ANXA7: variants seen among roughly 807,000 people sequenced by gnomAD.
ANXA7 encodes the protein annexin VII.
In ANXA7, 55 loss-of-function variants were observed where a neutral mutation model predicts 64.9. The ratio of observed to expected loss-of-function variants is 0.85; its 90% CI spans 0.68 to 1.06. The LOEUF (loss-of-function observed/expected upper bound fraction) is 1.06. Among genes scored for constraint, ANXA7 ranks in the 50% least tolerant of loss-of-function variants. ANXA7 has a pLI of 0.00. For synonymous variants in ANXA7, 200 were observed against 192.4 expected, an observed-to-expected ratio of 1.04 and a Z score of -0.33; for missense variants, 548 against 582.1, an observed-to-expected ratio of 0.94 and a Z score of 0.60.
At position 73,375,204 on chromosome 10, in the gene ANXA7, G is replaced by T. The variant is rs942601160; in HGVS notation, c.*891C>A. 6.6e-6 allele frequency: 1 copy of T among 152,146 alleles called. No homozygotes were observed. The highest frequency in any genetic ancestry group is 1.5e-5 in the Non-Finnish European group (1 of 68,038). 9.4% of individuals were successfully genotyped at this position (152,146 alleles called of 1,614,324 possible). A position where few individuals can be genotyped will look rare whatever the true frequency, so the allele number is the denominator to read the frequency against. On this transcript the variant is annotated 3_prime_UTR_variant, in exon 13 of 13. Transcript: ENST00000372921. ...AAAATGGGGAGATGTTGGTCAAAGG[G>T]TATAAACTTTCAGTTATAAAACGAA...
Position 73,379,875 on chromosome 10 carries a change from T to G in ANXA7, c.1165+4A>C, listed in dbSNP as rs560006103. 1 of 1,613,572 alleles carries G rather than the reference T, an allele frequency of 6.2e-7. No homozygotes were observed. The highest frequency in any genetic ancestry group is 1.3e-5 in the African/African-American group (1 of 75,030). On this transcript the variant is annotated splice_donor_region_variant and intron_variant, in intron 11 of 12. Transcript: ENST00000372921. ...AAATAAAGCAAAGCACAAAAATATC[T>G]TACAGATGGTCTTCAAACCACTTTC...
chr10:73,376,307 A>C, intron 12 of ANXA7, 90 bp from the exon 13 acceptor site: 1 of 1,272,966 alleles, frequency 7.9e-7, no homozygotes, highest in Non-Finnish European at 1.0e-6. Context: ...TCTTAATAAT[A>C]ATCAAAACTT....
chr10:73,377,328 G>C (rs1387506070), intron 12 of ANXA7: 2 of 151,842 alleles, frequency 1.3e-5, no homozygotes, highest in Admixed American at 1.3e-4. Flanking sequence ...CCAGCACTTT[G>C]GGAGGCCGAG....
In ANXA7 at chr10:73,401,592, C is replaced by G. The variant is rs183169810; in HGVS notation, c.-1-735G>C. ...TCAGCTCATTGCAACCTCCGCCTCC[C>G]GGGTCCAAGTGATTCTCCTGCCTCA... On this transcript the variant is annotated intron_variant, in intron 1 of 12. Transcript: ENST00000372921. Among the ~76,000 whole-genome samples, 1,239 of 152,040 alleles carry G rather than the reference C, an allele frequency of 8.1e-3. 14 individuals carry two copies. Among genetic ancestry groups the G allele is most frequent in the African/African-American group, 0.027 (1,118 of 41,454 alleles).
chr10:73,407,868 T>C (rs2055783077), intron 1 of ANXA7, among the ~76,000 whole-genome samples: 2 of 152,152 alleles, frequency 1.3e-5, no homozygotes. Context: ...ATAAGAAACA[T>C]AAAATGATAT....
Position 73,375,899 on chromosome 10 carries a change from T to C in ANXA7, c.*196A>G, listed in dbSNP as rs748350455. ...TCATTGTGATATGGCTTTACATTGA[T>C]TGTATGTAGAGAACAAAATAAAATT... On this transcript the variant is annotated 3_prime_UTR_variant, in exon 13 of 13. Transcript: ENST00000372921. 1.2e-5 allele frequency: 5 copies of C among 402,496 alleles called. No homozygotes were observed. The highest frequency in any genetic ancestry group is 3.9e-5 in the East Asian group (1 of 25,718). The allele number at this position is 402,496 out of a possible 1,614,324, so 24.9% of individuals were successfully genotyped here.
At chr10:73,396,015 A>C in intron 5 of ANXA7, 4 of 1,393,098 alleles carry the variant, frequency 2.9e-6, no homozygotes, top group Non-Finnish European at 4.1e-6. Flanking sequence ...GGACCTAGTG[A>C]TTAGTAAACA....
At chr10:73,404,234 GATA>G (rs761535062) in intron 1 of ANXA7, among the ~76,000 whole-genome samples, 89 of 152,284 alleles carry the variant, frequency 5.8e-4, no homozygotes, top group Non-Finnish European at 1.0e-3. Context: ...TCTATTCTGT[GATA>G]ATAATGGTGA....
At position 73,398,382 on chromosome 10, in the gene ANXA7, C is replaced by T. The variant is rs367885179; in HGVS notation, c.58G>A (p.Ala20Thr). The T allele has an allele frequency of 1.2e-6, 2 of 1,607,262 alleles. No individual in the cohort carries two copies. Among genetic ancestry groups the T allele is most frequent in the Admixed American group, 1.7e-5 (1 of 59,504 alleles). ...GYPPFPGYPP[A>T]GQESSFPPSG... ...GGGGGAAAAGATGACTCCTGACCTG[C>T]AGGCTGAAAAATCAGAATAATTTTT... is the stretch of plus-strand genomic sequence containing the variant. Residue 20 changes from alanine to threonine, a missense_variant, in exon 3 of 13, where the codon GCA (alanine) becomes ACA (threonine). Ala to Thr is a moderately conservative substitution (Grantham distance 58). Coordinates refer to ENST00000372921, the MANE Select transcript of ANXA7 (RefSeq NM_001156.5).
intron 12 of ANXA7, 129 bp from the exon 13 acceptor site, chr10:73,376,346 T>A: frequency 2.3e-6 from 2 of 872,228 alleles, no homozygotes; most frequent in Non-Finnish European, 3.3e-6. Context: ...TGACTGACAT[T>A]TTATGGCTGG....
rs367910001 is a variant in ANXA7 at position 73,383,665 on chromosome 10, T to C, written c.659A>G (p.Glu220Gly). The change falls in exon 8 of 13, where the codon GAG (glutamate) becomes GGG (glycine). Residue 220 changes from glutamate (E) to glycine (G), a missense_variant. Physicochemically the swap from Glu to Gly is moderately conservative, Grantham distance 98. Transcript: ENST00000372921. ...CAGTTCTTCCATATTTCCACTTAAC[T>C]CTGATTTGAGATCTTTGATTAAATC... ...GKDLIKDLKSELSGNMEELIL... is the reference protein window; with the variant it reads ...GKDLIKDLKSGLSGNMEELIL... 7 of 1,612,180 alleles carry C rather than the reference T, an allele frequency of 4.3e-6. No homozygotes were observed. The African/African-American group carries it at 6.7e-5, about 15-fold the overall frequency.
chr10:73,391,605 A>G (rs1347148870), intron 5 of ANXA7, among the ~76,000 whole-genome samples: 1 of 152,168 alleles, frequency 6.6e-6, no homozygotes, highest in Non-Finnish European at 1.5e-5. Flanking sequence ...CAGCAGAGTG[A>G]GGCCCTGACT....
rs1402829649 is a variant in ANXA7 at position 73,390,724 on chromosome 10, AT to A, written c.436-2311del. On this transcript the variant is annotated intron_variant, in intron 5 of 12. Coordinates refer to ENST00000372921, the MANE Select transcript of ANXA7 (RefSeq NM_001156.5). Reference sequence around the variant, plus strand: ...TATATATATATATATATATATAAAAATATATATATACACACACACACATATA... The same window carrying A: ...TATATATATATATATATATATAAAAAATATATATACACACACACACATATA... Among the ~76,000 whole-genome samples, 73 of 107,996 alleles carry A rather than the reference AT, an allele frequency of 6.8e-4. 2 individuals carry two copies. Among genetic ancestry groups the A allele is most frequent in the African/African-American group, 3.6e-3 (70 of 19,210 alleles). 70.8% of individuals were successfully genotyped at this position (107,996 alleles called of 152,430 possible).
In ANXA7 at chr10:73,379,034, G is replaced by C; in HGVS notation, c.1166-11C>G. 1 of 1,569,638 alleles carries C rather than the reference G, an allele frequency of 6.4e-7. No individual in the cohort carries two copies. The highest frequency in any genetic ancestry group is 8.7e-7 in the Non-Finnish European group (1 of 1,146,910). On this transcript the variant is annotated splice_polypyrimidine_tract_variant and intron_variant, in intron 11 of 12. Transcript: ENST00000372921. ...TCAGGGCACACTGCACTGCAAGTTA[G>C]AGATGGTTGAGACATGGAATCATGA... is the stretch of plus-strand genomic sequence containing the variant.
chr10:73,413,890 G>C (rs1316756284), intron 1 of ANXA7, 122 bp downstream of exon 1: 2 of 153,194 alleles, frequency 1.3e-5, no homozygotes, highest in South Asian at 4.1e-4. Flanking sequence ...CGCCATCCGG[G>C]AGGCCCACAC....
At chr10:73,387,476 T>C (rs1049653715) in intron 7 of ANXA7, among the ~76,000 whole-genome samples, 2 of 152,186 alleles carry the variant, frequency 1.3e-5, no homozygotes, top group East Asian at 1.9e-4. Flanking sequence ...GATCGCACCA[T>C]TGCACTCCAG....
At chr10:73,382,838 C>T (rs1317086951) in intron 9 of ANXA7, among the ~76,000 whole-genome samples, 1 of 152,180 alleles carries the variant, frequency 6.6e-6, no homozygotes, top group Non-Finnish European at 1.5e-5. Context: ...GGCAGTCCTG[C>T]ACATCTTCAC....
At chr10:73,389,030 C>T (rs1233984042) in intron 5 of ANXA7, among the ~76,000 whole-genome samples, 2 of 152,082 alleles carry the variant, frequency 1.3e-5, no homozygotes, top group Admixed American at 1.3e-4. Flanking sequence ...ATTTGTATAA[C>T]CTATAACATT....
rs2055226852 is a variant in ANXA7, at chr10:73,378,801, A to G, written c.1278+110T>C. On this transcript the variant is annotated intron_variant, in intron 12 of 12. Coordinates refer to ENST00000372921, the MANE Select transcript of ANXA7 (RefSeq NM_001156.5). ...ATACCACCTCTTTTAGGTGGCAAAGAGAGCTCTTTCTTATCATTTTTGAGG... is the reference window on the plus strand; with the variant it reads ...ATACCACCTCTTTTAGGTGGCAAAGGGAGCTCTTTCTTATCATTTTTGAGG... 10 of 763,818 alleles carry G rather than the reference A, an allele frequency of 1.3e-5. No homozygotes were observed. The South Asian group carries it at 1.4e-4, about 11-fold the overall frequency. 47.3% of individuals were successfully genotyped at this position (763,818 alleles called of 1,614,324 possible).
Sources: allele counts gnomAD v4.1 joint callset (sites outside exome capture counted in the v4.1 genomes callset), GRCh38; gene constraint gnomAD v4.1.1; transcripts MANE v1.5; gene names NCBI Gene and HGNC (gene_info 2026-07-23, HGNC 2026-07-21).